Variants in UNC79 observed in about 807,000 individuals in gnomAD.
UNC79 encodes the protein unc-79 subunit of NALCN channel complex, also known as protein unc-79 homolog.
In UNC79, 37 loss-of-function variants were observed where a neutral mutation model predicts 283.1. That is an observed-to-expected ratio of 0.13 (90% confidence interval 0.10 to 0.17). The LOEUF (loss-of-function observed/expected upper bound fraction) is 0.17. Among genes scored for constraint, UNC79 ranks in the 10% least tolerant of loss-of-function variants. The pLI, the probability that UNC79 is intolerant of heterozygous loss-of-function variation, is 1.00. For missense variants in UNC79, 2,272 were observed against 3,211.1 expected (o/e 0.71, Z 7.07); for synonymous variants, 1,107 against 1,200.2 (o/e 0.92, Z 1.61).
upstream of UNC79, among the ~76,000 whole-genome samples, chr14:93,428,642 G>A (rs1051478403): frequency 2.0e-5 from 3 of 152,176 alleles, no homozygotes; most frequent in Admixed American, 2.0e-4. Context: ...TGGAGGCTCC[G>A]AAGCATCAGA....
intron 47 of UNC79, among the ~76,000 whole-genome samples, chr14:93,696,665 G>A (rs887419116): frequency 2.0e-5 from 3 of 151,772 alleles, no homozygotes; most frequent in Non-Finnish European, 4.4e-5. Flanking sequence ...ATTGGGTTGG[G>A]TTTTTTCCTG....
chr14:93,661,496 C>T (rs1373577382), intron 39 of UNC79, among the ~76,000 whole-genome samples: 1 of 152,142 alleles, frequency 6.6e-6, no homozygotes, highest in Non-Finnish European at 1.5e-5. Flanking sequence ...TCATGGCATG[C>T]AAGTGTTTTG....
chr14:93,537,096 C>A (rs1017651104), intron 11 of UNC79, among the ~76,000 whole-genome samples: 9 of 152,166 alleles, frequency 5.9e-5, no homozygotes, highest in Non-Finnish European at 2.9e-5. Flanking sequence ...TAGAGTCTAA[C>A]GCCCCCTTGG....
chr14:93,401,534 G>T (rs1310267657), intron 1 of UNC79, among the ~76,000 whole-genome samples: 3 of 152,210 alleles, frequency 2.0e-5, no homozygotes, highest in Non-Finnish European at 4.4e-5. Flanking sequence ...TCAGGTTTGA[G>T]TAGTGCTCTT....
At chr14:93,646,584 G>C (rs749545073) in intron 34 of UNC79, 24 bp from the exon 38 acceptor site, 1 of 1,611,720 alleles carries the variant, frequency 6.2e-7, no homozygotes, top group South Asian at 1.1e-5. Context: ...ATATTTGTGT[G>C]ACTCTCTTTA....
intron 10 of UNC79, 87 bp downstream of exon 10, chr14:93,529,413 AC>A: frequency 7.0e-7 from 1 of 1,432,728 alleles, no homozygotes; most frequent in Non-Finnish European, 9.7e-7. Flanking sequence ...ATTTTATTTT[AC>A]AAAGACAGTC....
At chr14:93,641,638 G>A (rs2069043193) in intron 33 of UNC79, among the ~76,000 whole-genome samples, 1 of 152,178 alleles carries the variant, frequency 6.6e-6, no homozygotes, top group Non-Finnish European at 1.5e-5. Flanking sequence ...GGGTGATAGA[G>A]TGACTGTCTC....
At position 93,617,976 on chromosome 14, in the gene UNC79, C is replaced by T. The variant is rs901703447; in HGVS notation, c.4225-216C>T. Among the ~76,000 whole-genome samples, 7 of 152,074 alleles carry T rather than the reference C, an allele frequency of 4.6e-5. No homozygotes were observed. The highest frequency in any genetic ancestry group is 2.1e-4 in the South Asian group (1 of 4,810). On this transcript the variant is annotated intron_variant, in intron 28 of 48. Transcript: ENST00000555664. The surrounding 1 kb of genome is among the most constrained non-coding windows in gnomAD (Gnocchi z 4.5). ...TGAGCCCGGTAGGCTGCTATGATCA[C>T]GCCACAGCACTCCAACCTGGGTGAC...
At chr14:93,439,608 C>A (rs184829407) in intron 1 of UNC79, among the ~76,000 whole-genome samples, 161 of 152,122 alleles carry the variant, frequency 1.1e-3, no homozygotes, top group Admixed American at 1.8e-3. Flanking sequence ...GTGATACTCA[C>A]TACATAAAGT....
intron 1 of UNC79, among the ~76,000 whole-genome samples, chr14:93,389,149 A>G (rs1413758020): frequency 2.0e-5 from 3 of 152,194 alleles, no homozygotes; most frequent in Non-Finnish European, 4.4e-5. Context: ...ACAACATAAA[A>G]TGGGGGTTAG....
At chr14:93,440,943 TA>T (rs2056279384) in intron 1 of UNC79, among the ~76,000 whole-genome samples, 1 of 152,178 alleles carries the variant, frequency 6.6e-6, no homozygotes, top group Non-Finnish European at 1.5e-5. Context: ...TGTATATCTA[TA>T]AGATCTACCT....
Position 93,695,890 on chromosome 14 carries a change from C to CAAAAAAAA in UNC79, c.7548+1491_7548+1498dup, listed in dbSNP as rs535235954. Reference sequence around the variant, plus strand: ...TGGGCAACAGGATGAGACTTTGTCTCAAAAAAAAAAAAAAAAAAAAGCAAA... The same window carrying CAAAAAAAA: ...TGGGCAACAGGATGAGACTTTGTCTCAAAAAAAAAAAAAAAAAAAAAAAAAAAAGCAAA... On this transcript the variant is annotated intron_variant, in intron 47 of 48. Coordinates refer to ENST00000555664, the Ensembl canonical transcript of UNC79. Among the ~76,000 whole-genome samples the CAAAAAAAA allele has an allele frequency of 8.1e-4, 32 of 39,420 alleles. No individual in the cohort carries two copies. In the East Asian group the frequency reaches 9.4e-3, roughly 12 times the overall value. 25.9% of individuals were successfully genotyped at this position (39,420 alleles called of 152,430 possible). A position where few individuals can be genotyped will look rare whatever the true frequency, so the allele number is the denominator to read the frequency against.
At chr14:93,685,162 T>C (rs180878878) in intron 42 of UNC79, among the ~76,000 whole-genome samples, 1 of 152,356 alleles carries the variant, frequency 6.6e-6, no homozygotes, top group East Asian at 1.9e-4. Flanking sequence ...CTCTCATTTT[T>C]TGAGATTCAA....
intron 14 of UNC79, among the ~76,000 whole-genome samples, chr14:93,563,259 A>G (rs1306592558): frequency 1.3e-5 from 2 of 152,184 alleles, no homozygotes; most frequent in Non-Finnish European, 2.9e-5. Flanking sequence ...CTGCTTCTTT[A>G]GCTACCTTAT....
chr14:93,705,777 G>A (rs914170681), intron 48 of UNC79, among the ~76,000 whole-genome samples: 1 of 152,216 alleles, frequency 6.6e-6, no homozygotes. Flanking sequence ...AGAGTGTCAG[G>A]GGGATGGGAG....
At chr14:93,374,146 TC>T (rs532599463) in intron 1 of UNC79, among the ~76,000 whole-genome samples, 61 of 151,992 alleles carry the variant, frequency 4.0e-4, no homozygotes, top group African/African-American at 1.4e-3. Flanking sequence ...GGCAGAAAGT[TC>T]CCACCAGGGT....
intron 1 of UNC79, chr14:93,347,254 C>T (rs772320454): frequency 6.3e-7 from 1 of 1,593,172 alleles, no homozygotes; most frequent in South Asian, 1.1e-5. Flanking sequence ...CTGGCTTTGT[C>T]TCACCTGACG....
chr14:93,572,130 A>G, intron 15 of UNC79, 46 bp downstream of exon 15: 2 of 1,591,856 alleles, frequency 1.3e-6, no homozygotes, highest in Non-Finnish European at 1.7e-6. Context: ...AATCATATCT[A>G]ACGTTTGGTG....
chr14:93,636,353 A>G (rs752399531), intron 31 of UNC79, among the ~76,000 whole-genome samples: 4 of 152,156 alleles, frequency 2.6e-5, no homozygotes, highest in East Asian at 1.9e-4. Context: ...CGAGTCACCA[A>G]GTCCTACAAG....
Sources: allele counts gnomAD v4.1 joint callset (sites outside exome capture counted in the v4.1 genomes callset), GRCh38; gene constraint gnomAD v4.1.1; non-coding constraint Gnocchi (gnomAD v3.1); transcripts MANE v1.5; gene names NCBI Gene and HGNC (gene_info 2026-07-23, HGNC 2026-07-21).